ALPK2: variants seen among roughly 807,000 people sequenced by gnomAD.
The protein encoded by ALPK2 is alpha-protein kinase 2.
In ALPK2, 127 loss-of-function variants were observed where a neutral mutation model predicts 163.1. The ratio of observed to expected loss-of-function variants is 0.78; its 90% CI spans 0.67 to 0.90. The LOEUF is 0.90. ALPK2 is among the 40% of genes least tolerant of loss of function. The pLI is 0.00. For synonymous variants in ALPK2, 953 were observed against 959.1 expected (o/e 0.99, Z 0.12); for missense variants, 2,360 against 2,589.6 (o/e 0.91, Z 1.92).
intron 1 of ALPK2, among the ~76,000 whole-genome samples, chr18:58,626,452 C>T (rs1012121344): frequency 5.3e-5 from 8 of 152,108 alleles, no homozygotes; most frequent in South Asian, 2.1e-4. Context: ...CCTCCACTCC[C>T]GCCCCCACCT....
chr18:58,504,107 A>G lies in ALPK2; in HGVS notation c.6071T>C (p.Ile2024Thr), dbSNP rs1362265642. ...IFLIHRPENNIPYATVEEELI... is the reference protein window; with the variant it reads ...IFLIHRPENNTPYATVEEELI... ...CTCCTCCTCCACTGTAGCATACGGGATATTGTTCTCAGGCCGATGGATAAG... is the reference window on the plus strand; with the variant it reads ...CTCCTCCTCCACTGTAGCATACGGGGTATTGTTCTCAGGCCGATGGATAAG... The change falls in exon 11 of 13, where the codon ATC becomes ACC. Residue 2024 changes from isoleucine (I) to threonine (T), a missense_variant. Coordinates refer to ENST00000361673, the MANE Select transcript of ALPK2 (RefSeq NM_052947.4). 29 of 1,614,096 alleles carry G rather than the reference A, an allele frequency of 1.8e-5. No homozygotes were observed. The highest frequency in any genetic ancestry group is 2.0e-5 in the Non-Finnish European group (24 of 1,180,048).
intron 3 of ALPK2, among the ~76,000 whole-genome samples, chr18:58,585,010 C>T (rs79444242): frequency 0.019 from 2,843 of 152,336 alleles, 80 homozygotes; most frequent in African/African-American, 0.062. Flanking sequence ...GAAGCAGTAA[C>T]ATTCCTCTCC....
At chr18:58,550,403 C>T (rs1261469859) in intron 4 of ALPK2, among the ~76,000 whole-genome samples, 3 of 150,584 alleles carry the variant, frequency 2.0e-5, no homozygotes, top group African/African-American at 2.4e-5. Flanking sequence ...TCACCTACAA[C>T]CCCATCCCAT....
At chr18:58,569,465 T>A (rs538941385) in intron 4 of ALPK2, among the ~76,000 whole-genome samples, 53 of 152,314 alleles carry the variant, frequency 3.5e-4, no homozygotes, top group Non-Finnish European at 6.8e-4. Context: ...CTGGGGCTAT[T>A]GGAACTTCAG....
chr18:58,555,307 T>A (rs2051784483), intron 4 of ALPK2, among the ~76,000 whole-genome samples: 2 of 152,218 alleles, frequency 1.3e-5, no homozygotes, highest in African/African-American at 4.8e-5. Flanking sequence ...AAAATTCACA[T>A]TTTCAGGAGT....
intron 8 of ALPK2, among the ~76,000 whole-genome samples, chr18:58,522,843 C>A (rs1018630873): frequency 1.3e-5 from 2 of 152,082 alleles, no homozygotes; most frequent in African/African-American, 2.4e-5. Flanking sequence ...GTCTAATGAA[C>A]TTACAATAGG....
chr18:58,510,467 A>G (rs1244777606), intron 10 of ALPK2, among the ~76,000 whole-genome samples: 4 of 152,178 alleles, frequency 2.6e-5, no homozygotes, highest in African/African-American at 9.7e-5. Context: ...TCTATAAATT[A>G]CCTTGGGCAA....
intron 4 of ALPK2, among the ~76,000 whole-genome samples, chr18:58,572,634 T>C (rs895726256): frequency 4.6e-5 from 7 of 152,198 alleles, no homozygotes; most frequent in Non-Finnish European, 4.4e-5. Flanking sequence ...TACTGTATGA[T>C]TCCATTTATG....
At chr18:58,609,158 C>T (rs1237208236) in intron 2 of ALPK2, among the ~76,000 whole-genome samples, 2 of 144,964 alleles carry the variant, frequency 1.4e-5, no homozygotes, top group African/African-American at 2.5e-5. Context: ...GCCATGAATG[C>T]GCTTTTTTGG....
At chr18:58,598,950 T>G (rs1460987384) in intron 3 of ALPK2, among the ~76,000 whole-genome samples, 1 of 152,184 alleles carries the variant, frequency 6.6e-6, no homozygotes, top group Non-Finnish European at 1.5e-5. Context: ...CAGTTTTCAG[T>G]GACAGTACTT....
At chr18:58,582,109 A>G (rs2051961806) in intron 3 of ALPK2, among the ~76,000 whole-genome samples, 1 of 152,220 alleles carries the variant, frequency 6.6e-6, no homozygotes, top group Non-Finnish European at 1.5e-5. Context: ...GAGATTGGCC[A>G]AGCTTGACCC....
At position 58,481,530 on chromosome 18, in the gene ALPK2, T is replaced by C. The variant is rs1177533294; in HGVS notation, c.*293A>G. The C allele has an allele frequency of 9.9e-6, 4 of 405,722 alleles. No homozygotes were observed. Among genetic ancestry groups the C allele is most frequent in the African/African-American group, 4.0e-5 (2 of 49,558 alleles). 25.1% of individuals were successfully genotyped at this position (405,722 alleles called of 1,614,324 possible). On this transcript the variant is annotated 3_prime_UTR_variant, in exon 13 of 13. Transcript: ENST00000361673. ...ACAACCATGTGCAAATACACAAATATACACATGATGTGAGGTTGGTAAAAA... is the reference window on the plus strand; with the variant it reads ...ACAACCATGTGCAAATACACAAATACACACATGATGTGAGGTTGGTAAAAA...
chr18:58,507,010 T>C (rs1057046156), intron 10 of ALPK2, among the ~76,000 whole-genome samples: 13 of 152,338 alleles, frequency 8.5e-5, no homozygotes, highest in South Asian at 8.3e-4. Flanking sequence ...TAGTTTAACA[T>C]TGACCACGTA....
At chr18:58,549,062 C>G (rs998076950) in intron 4 of ALPK2, among the ~76,000 whole-genome samples, 5 of 152,108 alleles carry the variant, frequency 3.3e-5, no homozygotes, top group African/African-American at 4.8e-5. Flanking sequence ...TAGTTTGGTG[C>G]CTGGTTTGTT....
chr18:58,523,851 G>A lies in ALPK2; in HGVS notation c.5630-10C>T, dbSNP rs767388366. ...GACAGCTGTTTGAGAACTAGAAGAA[G>A]ACAAAGCAGAGAATGGCTTCAGTAC... On this transcript the variant is annotated splice_polypyrimidine_tract_variant and intron_variant, in intron 7 of 12. Coordinates refer to ENST00000361673, the MANE Select transcript of ALPK2 (RefSeq NM_052947.4). 3 of 1,614,164 alleles carry A rather than the reference G, an allele frequency of 1.9e-6. No homozygotes were observed. Among genetic ancestry groups the A allele is most frequent in the Non-Finnish European group, 2.5e-6 (3 of 1,180,008 alleles).
intron 4 of ALPK2, among the ~76,000 whole-genome samples, chr18:58,546,149 A>C (rs924499013): frequency 2.6e-5 from 4 of 152,170 alleles, no homozygotes; most frequent in African/African-American, 9.7e-5. Flanking sequence ...GGAGGACTGT[A>C]ACTTCCTTGA....
At chr18:58,588,375 T>A (rs1257304550) in intron 3 of ALPK2, among the ~76,000 whole-genome samples, 1 of 152,214 alleles carries the variant, frequency 6.6e-6, no homozygotes, top group Non-Finnish European at 1.5e-5. Context: ...AGTGTACACG[T>A]CAACACAGTG....
chr18:58,621,552 T>C (rs1309860735), intron 1 of ALPK2, among the ~76,000 whole-genome samples: 1 of 152,128 alleles, frequency 6.6e-6, no homozygotes, highest in East Asian at 1.9e-4. Flanking sequence ...ATTACAGGCG[T>C]GAGCCACTGC....
intron 8 of ALPK2, among the ~76,000 whole-genome samples, chr18:58,517,603 A>G (rs189724947): frequency 5.4e-4 from 81 of 150,228 alleles, no homozygotes; most frequent in Non-Finnish European, 8.3e-4. Context: ...ACCCCCCGCA[A>G]CCACGGAATC....
Sources: allele counts gnomAD v4.1 joint callset (sites outside exome capture counted in the v4.1 genomes callset), GRCh38; gene constraint gnomAD v4.1.1; transcripts MANE v1.5; gene names NCBI Gene and HGNC (gene_info 2026-07-23, HGNC 2026-07-21).